The following KLHL29 variants were observed in gnomAD, a reference collection of about 807,000 sequenced individuals.
KLHL29 encodes kelch-like protein 29.
A neutral mutation model predicts 80.4 loss-of-function variants in KLHL29; 21 were observed. The observed-to-expected ratio is 0.26, with a 90% confidence interval of 0.19 to 0.38. The LOEUF (loss-of-function observed/expected upper bound fraction) is 0.38, where lower values mean the gene tolerates loss of function less well. Among genes scored for constraint, KLHL29 ranks in the 10% least tolerant of loss-of-function variants. The pLI is 1.00. For synonymous variants in KLHL29, 511 were observed against 526.8 expected (o/e 0.97, Z 0.41); for missense variants, 867 against 1,223.9 (o/e 0.71, Z 4.35).
At chr2:23,583,336 C>G (rs1284368387) in intron 3 of KLHL29, among the ~76,000 whole-genome samples, 3 of 152,210 alleles carry the variant, frequency 2.0e-5, no homozygotes, top group South Asian at 2.1e-4. Flanking sequence ...AAAACATGCT[C>G]TTGATGCTGT....
rs191132444 is a variant in KLHL29, at chr2:23,472,887, T to C, written c.-153-2673T>C. ...TTGCTTTTAACCCTCTCTGTGAATG[T>C]ATCTATCGGGGTCTTGAAATAGACA... On this transcript the variant is annotated intron_variant, in intron 1 of 13. Coordinates refer to ENST00000486442, the MANE Select transcript of KLHL29 (RefSeq NM_052920.2). Among the ~76,000 whole-genome samples, 342 of 152,350 alleles carry C rather than the reference T, an allele frequency of 2.2e-3. 2 individuals carry two copies. The highest frequency in any genetic ancestry group is 7.8e-3 in the African/African-American group (324 of 41,582).
chr2:23,666,258 G>A lies in KLHL29; in HGVS notation c.941-18141G>A, dbSNP rs556058022. ...AGCAACTAGAGAAATCACAAGTTGC[G>A]TGTGCCTTTTCCAAGGCCGCCTAAG... On this transcript the variant is annotated intron_variant, in intron 5 of 13. Coordinates refer to ENST00000486442, the MANE Select transcript of KLHL29 (RefSeq NM_052920.2). Among the ~76,000 whole-genome samples, 8 of 152,274 alleles carry A rather than the reference G, an allele frequency of 5.3e-5. No homozygotes were observed. In the East Asian group the frequency reaches 5.8e-4, roughly 11 times the overall value.
At chr2:23,660,071 A>G (rs1003478392) in intron 5 of KLHL29, among the ~76,000 whole-genome samples, 4 of 151,950 alleles carry the variant, frequency 2.6e-5, no homozygotes, top group Non-Finnish European at 4.4e-5. Flanking sequence ...TCCTCCAGAA[A>G]ACTTCCCTGG....
chr2:23,504,882 A>G (rs1056336976), intron 2 of KLHL29, among the ~76,000 whole-genome samples: 10 of 152,022 alleles, frequency 6.6e-5, no homozygotes, highest in African/African-American at 2.4e-4. Context: ...TCCTCAAACC[A>G]CCAAGCTCAG....
intron 1 of KLHL29, among the ~76,000 whole-genome samples, chr2:23,413,202 TC>T (rs1349868660): frequency 6.6e-6 from 1 of 152,166 alleles, no homozygotes; most frequent in African/African-American, 2.4e-5. Context: ...TCAAGGCAGC[TC>T]CTCGACCTCA....
At chr2:23,643,971 A>G (rs1467223706) in intron 5 of KLHL29, 2 of 150,144 alleles carry the variant, frequency 1.3e-5, no homozygotes, top group Non-Finnish European at 3.0e-5. Flanking sequence ...CAGAGCAAGG[A>G]ACCCCACTAG....
rs1365982204 is a variant in KLHL29 at position 23,660,903 on chromosome 2, C to T, written c.940+18053C>T. ...AAAGTCAGCCAGGCGTGGTGGCAGG[C>T]GCCTGTAATCCCAGCTACTTGGGAG... On this transcript the variant is annotated intron_variant, in intron 5 of 13. Transcript: ENST00000486442. 5.3e-5 allele frequency among the ~76,000 whole-genome samples: 8 copies of T among 152,104 alleles called. No individual in the cohort carries two copies. In the South Asian group the frequency reaches 6.2e-4, roughly 12 times the overall value.
At chr2:23,432,185 T>C (rs1663200674) in intron 1 of KLHL29, among the ~76,000 whole-genome samples, 1 of 152,246 alleles carries the variant, frequency 6.6e-6, no homozygotes, top group African/African-American at 2.4e-5. Context: ...AATCTGCTTT[T>C]TTCACTTAGA....
chr2:23,480,379 C>T (rs999333997), intron 2 of KLHL29, among the ~76,000 whole-genome samples: 2 of 151,936 alleles, frequency 1.3e-5, no homozygotes, highest in South Asian at 2.1e-4. Context: ...CCCAGGTACT[C>T]GGGAGGCTGA....
At chr2:23,598,709 A>G (rs982631206) in intron 3 of KLHL29, among the ~76,000 whole-genome samples, 1 of 152,244 alleles carries the variant, frequency 6.6e-6, no homozygotes, top group Non-Finnish European at 1.5e-5. Flanking sequence ...GGGCTTTAGC[A>G]GAGGCCAAGG....
In KLHL29 at chr2:23,669,953, G is replaced by C. The variant is rs1040562312; in HGVS notation, c.941-14446G>C. Among the ~76,000 whole-genome samples, 1 of 152,142 alleles carries C rather than the reference G, an allele frequency of 6.6e-6. No individual in the cohort carries two copies. Among genetic ancestry groups the C allele is most frequent in the Non-Finnish European group, 1.5e-5 (1 of 68,038 alleles). On this transcript the variant is annotated intron_variant, in intron 5 of 13. Coordinates refer to ENST00000486442, the MANE Select transcript of KLHL29 (RefSeq NM_052920.2). The surrounding 1 kb of genome is among the most constrained non-coding windows in gnomAD (Gnocchi z 4.3). ...TGGGTAGGGACCCAAGCAGAGAGGG[G>C]TGTCAGTAAAGCCAGAAGCTCAGCT...
At chr2:23,544,924 T>C (rs1666943332) in intron 2 of KLHL29, among the ~76,000 whole-genome samples, 1 of 152,064 alleles carries the variant, frequency 6.6e-6, no homozygotes. Context: ...GGCTTTTTCT[T>C]AGGGTAGGAT....
At chr2:23,609,445 G>C (rs1001936576) in intron 3 of KLHL29, among the ~76,000 whole-genome samples, 1 of 152,120 alleles carries the variant, frequency 6.6e-6, no homozygotes, top group Admixed American at 6.5e-5. Context: ...GAGGTGAGCT[G>C]GGACCACATC....
chr2:23,608,869 G>GATA (rs375080716), intron 3 of KLHL29, among the ~76,000 whole-genome samples: 2 of 152,068 alleles, frequency 1.3e-5, no homozygotes, highest in African/African-American at 4.8e-5. Context: ...TAACGATAAA[G>GATA]ATAATAATAA....
At chr2:23,398,051 A>G (rs1666495995) in intron 1 of KLHL29, among the ~76,000 whole-genome samples, 1 of 152,264 alleles carries the variant, frequency 6.6e-6, no homozygotes, top group Admixed American at 6.5e-5. Context: ...CATTATGGCC[A>G]TTCTTCAAAA....
chr2:23,633,124 T>C (rs906554531), intron 3 of KLHL29, among the ~76,000 whole-genome samples: 2 of 152,108 alleles, frequency 1.3e-5, no homozygotes, highest in Non-Finnish European at 2.9e-5. Flanking sequence ...GGGCTGGGTG[T>C]TGTGGGGAGC....
chr2:23,535,174 G>A (rs976810808), intron 2 of KLHL29, among the ~76,000 whole-genome samples: 2 of 152,264 alleles, frequency 1.3e-5, no homozygotes, highest in Admixed American at 1.3e-4. Flanking sequence ...TCTTCCTGTG[G>A]CCTTGGGAAA....
At chr2:23,572,681 C>G (rs1667742977) in intron 3 of KLHL29, among the ~76,000 whole-genome samples, 1 of 151,878 alleles carries the variant, frequency 6.6e-6, no homozygotes, top group Non-Finnish European at 1.5e-5. Flanking sequence ...AGTGGAGCAG[C>G]CTCCAAAAAC....
intron 2 of KLHL29, chr2:23,507,222 A>G (rs983163423): frequency 1.0e-5 from 3 of 291,898 alleles, no homozygotes; most frequent in South Asian, 5.5e-5. Flanking sequence ...AGCACCATCA[A>G]CATCCAGATC....
Sources: gnomAD v4.1 joint callset for allele counts (sites outside exome capture counted in the v4.1 genomes callset) on GRCh38, gnomAD v4.1.1 for gene constraint, Gnocchi (gnomAD v3.1) non-coding constraint, MANE v1.5 for transcripts, NCBI Gene and HGNC (gene_info 2026-07-23, HGNC 2026-07-21) for gene names.